FTCDNL1: variants seen among roughly 807,000 people sequenced by gnomAD.
FTCDNL1 encodes formiminotransferase cyclodeaminase N-terminal like.
A neutral mutation model predicts 5.9 loss-of-function variants in FTCDNL1; 11 were observed. That is an observed-to-expected ratio of 1.87 (90% CI 1.18 to 3.10). FTCDNL1 has a LOEUF of 3.10. Ranked by LOEUF, FTCDNL1 falls within the 30% of genes most tolerant of loss-of-function variation. The pLI is 0.00. For missense variants in FTCDNL1, 115 were observed against 65.5 expected (o/e 1.76, Z -2.61); for synonymous variants, 58 against 24.8 (o/e 2.34, Z -3.99).
chr2:199,714,545 T>A, the FTCDNL1 span, among the ~76,000 whole-genome samples: 1 of 152,126 alleles, frequency 6.6e-6, no homozygotes, highest in African/African-American at 2.4e-5. Context: ...GAGGTTAATT[T>A]CTTAAAGATG....
the FTCDNL1 span, among the ~76,000 whole-genome samples, chr2:199,744,223 C>G: frequency 1.3e-5 from 2 of 152,180 alleles, no homozygotes; most frequent in African/African-American, 4.8e-5. Flanking sequence ...CTTTAAGCCC[C>G]TGCTATGGAC....
At chr2:199,713,588 AT>A in the FTCDNL1 span, among the ~76,000 whole-genome samples, 1 of 152,210 alleles carries the variant, frequency 6.6e-6, no homozygotes, top group Non-Finnish European at 1.5e-5. Flanking sequence ...AAAGTTCTTA[AT>A]AATTATTTTT....
chr2:199,693,001 T>C, the FTCDNL1 span, among the ~76,000 whole-genome samples: 2 of 152,238 alleles, frequency 1.3e-5, no homozygotes. Context: ...CTGGAGGTTT[T>C]TGTATTAGGG....
chr2:199,690,585 G>C, the FTCDNL1 span, among the ~76,000 whole-genome samples: 29 of 152,252 alleles, frequency 1.9e-4, no homozygotes, highest in East Asian at 5.4e-3. Flanking sequence ...CCTCAGAGGT[G>C]GTCACTAGCT....
chr2:199,787,542 A>G (rs1221419777), intron 3 of FTCDNL1, among the ~76,000 whole-genome samples: 4 of 152,156 alleles, frequency 2.6e-5, no homozygotes, highest in Admixed American at 2.0e-4. Context: ...TCTCGGGATT[A>G]AGACATTGAG....
intron 3 of FTCDNL1, among the ~76,000 whole-genome samples, chr2:199,835,591 CA>C (rs1412122614): frequency 3.9e-5 from 6 of 152,124 alleles, no homozygotes; most frequent in Non-Finnish European, 7.3e-5. Context: ...ACGTCATTAA[CA>C]TCATTATATC....
the FTCDNL1 span, among the ~76,000 whole-genome samples, chr2:199,708,852 C>A: frequency 6.6e-6 from 1 of 152,084 alleles, no homozygotes; most frequent in South Asian, 2.1e-4. Context: ...TCAATGGTAT[C>A]CATAAGTACA....
At chr2:199,762,985 T>A (rs755857586) in intron 3 of FTCDNL1, among the ~76,000 whole-genome samples, 1 of 152,244 alleles carries the variant, frequency 6.6e-6, no homozygotes, top group Non-Finnish European at 1.5e-5. Flanking sequence ...AGAAATCACA[T>A]ACTTGTCATG....
chr2:199,685,439 A>T, the FTCDNL1 span, among the ~76,000 whole-genome samples: 1 of 151,936 alleles, frequency 6.6e-6, no homozygotes, highest in African/African-American at 2.4e-5. Flanking sequence ...TTCCATCTTT[A>T]CTTCGGACCC....
chr2:199,779,679 G>A (rs995629083), intron 3 of FTCDNL1, among the ~76,000 whole-genome samples: 1 of 152,174 alleles, frequency 6.6e-6, no homozygotes, highest in African/African-American at 2.4e-5. Flanking sequence ...AGGACATAAG[G>A]ACAATCAAAC....
chr2:199,699,684 C>T, the FTCDNL1 span, among the ~76,000 whole-genome samples: 1 of 152,092 alleles, frequency 6.6e-6, no homozygotes, highest in Non-Finnish European at 1.5e-5. Flanking sequence ...AGTAGCACAC[C>T]AAAAAGCTAG....
At chr2:199,760,297 A>G (rs1446006858), downstream of FTCDNL1, among the ~76,000 whole-genome samples, 1 of 151,984 alleles carries the variant, frequency 6.6e-6, no homozygotes, top group African/African-American at 2.4e-5. Context: ...CCCATAACAG[A>G]GAGAAAGTTC....
the FTCDNL1 span, among the ~76,000 whole-genome samples, chr2:199,704,759 A>C: frequency 6.6e-6 from 1 of 152,034 alleles, no homozygotes; most frequent in Non-Finnish European, 1.5e-5. Flanking sequence ...ACAGCCAATC[A>C]GCAAAGAAAG....
At chr2:199,684,950 A>C in the FTCDNL1 span, among the ~76,000 whole-genome samples, 1 of 152,184 alleles carries the variant, frequency 6.6e-6, no homozygotes, top group African/African-American at 2.4e-5. Flanking sequence ...CTTCACAAAC[A>C]GACTAAAGTG....
rs1484148272 is a variant in FTCDNL1 at position 199,810,038 on chromosome 2, T to C, written c.*2667A>G. Among the ~76,000 whole-genome samples the C allele has an allele frequency of 6.7e-6, 1 of 150,206 alleles. No individual in the cohort carries two copies. Among genetic ancestry groups the C allele is most frequent in the Admixed American group, 6.6e-5 (1 of 15,064 alleles). ...TATCTACTCTAAACTATCCGAAGGA[T>C]TTTTTTTTTCCTAAAAGAGCTCGAA... is the stretch of plus-strand genomic sequence containing the variant. On this transcript the variant is annotated 3_prime_UTR_variant, in exon 5 of 5. Transcript: ENST00000420128.
the FTCDNL1 span, among the ~76,000 whole-genome samples, chr2:199,737,079 T>C: frequency 3.0e-3 from 459 of 152,350 alleles, 2 homozygotes; most frequent in Non-Finnish European, 3.7e-3. Context: ...TTACTTTCTG[T>C]GTTCTCCACC....
the FTCDNL1 span, among the ~76,000 whole-genome samples, chr2:199,733,206 T>C: frequency 3.3e-5 from 5 of 152,178 alleles, no homozygotes; most frequent in African/African-American, 4.8e-5. Context: ...GAGGATAGCA[T>C]GAGAAGAGGC....
At chr2:199,741,359 C>G in the FTCDNL1 span, among the ~76,000 whole-genome samples, 2 of 152,094 alleles carry the variant, frequency 1.3e-5, no homozygotes, top group African/African-American at 4.8e-5. Context: ...ACTGGGTAAC[C>G]AAAGAAGTCT....
chr2:199,716,774 G>T, the FTCDNL1 span, among the ~76,000 whole-genome samples: 3 of 152,106 alleles, frequency 2.0e-5, no homozygotes, highest in Non-Finnish European at 4.4e-5. Context: ...TAAAATAACA[G>T]GCTGAAAGGA....
Sources: gnomAD v4.1 joint callset for allele counts (sites outside exome capture counted in the v4.1 genomes callset) on GRCh38, gnomAD v4.1.1 for gene constraint, MANE v1.5 for transcripts, NCBI Gene and HGNC (gene_info 2026-07-23, HGNC 2026-07-21) for gene names.